NBPF20: variants seen among roughly 807,000 people sequenced by gnomAD.
The protein encoded by NBPF20 is NBPF family member NBPF20.
NBPF20 carries 90 observed loss-of-function variants against 68.1 expected under a neutral mutation model. The observed-to-expected ratio is 1.32, with a 90% CI of 1.11 to 1.58. NBPF20 has a LOEUF of 1.58. Among genes scored for constraint, NBPF20 ranks in the 40% most tolerant of loss-of-function variants. The probability of loss-of-function intolerance (pLI) is 0.00; values close to 1 mark genes in which losing one functional copy is unlikely to be tolerated. For synonymous variants in NBPF20, 290 were observed against 228.1 expected, an observed-to-expected ratio of 1.27 and a Z score of -2.45; for missense variants, 816 against 601.2, an observed-to-expected ratio of 1.36 and a Z score of -3.74.
chr1:145,408,427 C>T (rs1553668279), upstream of NBPF20, among the ~76,000 whole-genome samples: 1 of 152,010 alleles, frequency 6.6e-6, no homozygotes, highest in African/African-American at 2.4e-5. Flanking sequence ...AAATGAATAA[C>T]TGTACATATG....
intron 115 of NBPF20, among the ~76,000 whole-genome samples, chr1:145,309,541 G>C (rs1344392222): frequency 3.1e-5 from 2 of 65,376 alleles, no homozygotes; most frequent in African/African-American, 8.1e-5. Flanking sequence ...GTGACACACT[G>C]ATGAGGGAGT....
intron 137 of NBPF20, 69 bp from the exon 143 acceptor site, chr1:145,291,838 C>A (rs1456558200): frequency 6.2e-7 from 1 of 1,610,640 alleles, no homozygotes; most frequent in Non-Finnish European, 8.5e-7. Context: ...CACTAGATTT[C>A]AGAAGTCACA....
At chr1:145,409,343 C>T (rs1471774262), upstream of NBPF20, among the ~76,000 whole-genome samples, 2 of 148,190 alleles carry the variant, frequency 1.3e-5, no homozygotes, top group Non-Finnish European at 3.0e-5. Context: ...TCATGAGCAT[C>T]CATACGTGGC....
At chr1:145,393,772 C>T in intron 9 of NBPF20, 112 bp downstream of exon 14, 3 of 1,485,562 alleles carry the variant, frequency 2.0e-6, no homozygotes, top group South Asian at 1.1e-5. Flanking sequence ...AGGCATAATT[C>T]AGACTTGTCT....
rs587716667 is a variant in NBPF20 at position 145,404,786 on chromosome 1, C to G, written c.175+312G>C. Among the ~76,000 whole-genome samples the G allele has an allele frequency of 2.9e-3, 445 of 151,654 alleles. 1 individual carries two copies. The highest frequency in any genetic ancestry group is 9.6e-3 in the African/African-American group (395 of 41,010). On this transcript the variant is annotated intron_variant, in intron 2 of 137. Transcript: ENST00000369373. ...ACTACATGTTATTTGTCTGCAGGAT[C>G]TTATATGGTACAGAGAGGATTCTTG...
At chr1:145,410,506 G>A (rs1285068716), upstream of NBPF20, among the ~76,000 whole-genome samples, 1 of 150,380 alleles carries the variant, frequency 6.6e-6, no homozygotes, top group East Asian at 1.9e-4. Flanking sequence ...GTAGAGACGG[G>A]GTTTCACCGT....
At chr1:145,411,422 T>C in the NBPF20 span, among the ~76,000 whole-genome samples, 1 of 127,048 alleles carries the variant, frequency 7.9e-6, no homozygotes, top group African/African-American at 3.0e-5. Flanking sequence ...GACAGAGTCT[T>C]GCTCTGTTAC....
intron 6 of NBPF20, among the ~76,000 whole-genome samples, chr1:145,399,761 A>T (rs1347589103): frequency 8.0e-6 from 1 of 125,532 alleles, no homozygotes; most frequent in Non-Finnish European, 1.6e-5. Context: ...TGGGTGACAG[A>T]GCAAGACTCC....
At chr1:145,415,012 A>G in the NBPF20 span, among the ~76,000 whole-genome samples, 2 of 152,086 alleles carry the variant, frequency 1.3e-5, no homozygotes, top group Non-Finnish European at 2.9e-5. Context: ...CATACGGAGG[A>G]CCCATGCCGG....
chr1:145,425,594 C>T, the NBPF20 span, among the ~76,000 whole-genome samples: 112 of 152,342 alleles, frequency 7.4e-4, no homozygotes, highest in African/African-American at 2.6e-3. Context: ...AGGGTCTCGC[C>T]GGGCGCGTCA....
chr1:145,424,677 G>A, the NBPF20 span, among the ~76,000 whole-genome samples: 15 of 152,296 alleles, frequency 9.8e-5, no homozygotes, highest in African/African-American at 3.1e-4. Context: ...TTCGGAGAAA[G>A]GACGCCAAAT....
chr1:145,334,937 G>A (rs1661565104), intron 83 of NBPF20, among the ~76,000 whole-genome samples: 1 of 122,204 alleles, frequency 8.2e-6, no homozygotes, highest in Admixed American at 8.2e-5. Context: ...AGTGCCCTCG[G>A]GACACACAGC....
At chr1:145,406,626 C>A (rs1426838216), upstream of NBPF20, among the ~76,000 whole-genome samples, 1 of 149,996 alleles carries the variant, frequency 6.7e-6, no homozygotes, top group Non-Finnish European at 1.5e-5. Flanking sequence ...TTAAACTATG[C>A]CAGGTGTGTA....
Position 145,310,989 on chromosome 1 carries a change from G to C in NBPF20, c.13713-159C>G, listed in dbSNP as rs1274119782. Among the ~76,000 whole-genome samples the C allele has an allele frequency of 2.9e-5, 2 of 69,128 alleles. 1 individual carries two copies. The highest frequency in any genetic ancestry group is 1.8e-4 in the African/African-American group (2 of 11,298). The allele number at this position is 69,128 out of a possible 152,430, so 45.4% of individuals were successfully genotyped here. On this transcript the variant is annotated intron_variant, in intron 113 of 137. Coordinates refer to ENST00000369373, the Ensembl canonical transcript of NBPF20. ...ATTGCCTTTATGTTGGGATAGACCA[G>C]GGCCAGGTAGAAAAGAATGAAAGAG...
Position 145,403,199 on chromosome 1 carries a change from C to T in NBPF20, c.278+17G>A. Reference sequence around the variant, plus strand: ...TACACACCTGCCCCCCTGCCTGCCACCATGGGGTCCCCTCACCTGAGCTCC... The same window carrying T: ...TACACACCTGCCCCCCTGCCTGCCATCATGGGGTCCCCTCACCTGAGCTCC... On this transcript the variant is annotated intron_variant, in intron 3 of 137. Coordinates refer to ENST00000369373, the Ensembl canonical transcript of NBPF20. 1.9e-6 allele frequency: 3 copies of T among 1,612,340 alleles called. No individual in the cohort carries two copies. Among genetic ancestry groups the T allele is most frequent in the South Asian group, 1.1e-5 (1 of 91,006 alleles).
chr1:145,410,790 ATATATACGTATATG>A, the NBPF20 span, among the ~76,000 whole-genome samples: 13 of 110,088 alleles, frequency 1.2e-4, no homozygotes, highest in African/African-American at 4.4e-4. Context: ...ACACACACAT[ATATATACGTATATG>A]TATATATATA....
chr1:145,291,315 G>C (rs1213372306), exon 138 of NBPF20: 53 of 738,388 alleles, frequency 7.2e-5, no homozygotes, highest in Middle Eastern at 4.0e-4. Context: ...GTGCTGCACA[G>C]TTATGTGAAC....
At chr1:145,405,825 A>C (rs1662751567), upstream of NBPF20, 1 of 241,906 alleles carries the variant, frequency 4.1e-6, no homozygotes, top group East Asian at 8.3e-5. Flanking sequence ...TCAAGGCAGA[A>C]ACAGTTTCCC....
chr1:145,401,049 T>C lies in NBPF20; in HGVS notation c.566+10A>G. 1 of 1,600,814 alleles carries C rather than the reference T, an allele frequency of 6.2e-7. No homozygotes were observed. The highest frequency in any genetic ancestry group is 8.5e-7 in the Non-Finnish European group (1 of 1,172,998). Reference sequence around the variant, plus strand: ...CCATCCATTAATTGTTCCTGAGTATTCAGTGTTACCTGGGGGCAGACGATT... The same window carrying C: ...CCATCCATTAATTGTTCCTGAGTATCCAGTGTTACCTGGGGGCAGACGATT... On this transcript the variant is annotated intron_variant, in intron 5 of 137. Coordinates refer to ENST00000369373, the Ensembl canonical transcript of NBPF20.
Sources: allele counts gnomAD v4.1 joint callset (sites outside exome capture counted in the v4.1 genomes callset), GRCh38; gene constraint gnomAD v4.1.1; transcripts MANE v1.5; gene names NCBI Gene and HGNC (gene_info 2026-07-23, HGNC 2026-07-21).